PREX1: variants seen among roughly 807,000 people sequenced by gnomAD.
The protein encoded by PREX1 is phosphatidylinositol 3,4,5-trisphosphate-dependent Rac exchanger 1 protein.
A neutral mutation model predicts 198.3 loss-of-function variants in PREX1; 41 were observed. The ratio of observed to expected loss-of-function variants is 0.21; its 90% CI spans 0.16 to 0.27. The LOEUF (loss-of-function observed/expected upper bound fraction) is 0.27. Among genes scored for constraint, PREX1 ranks in the 10% least tolerant of loss-of-function variants. The pLI is 1.00. For synonymous variants in PREX1, 843 were observed against 887.2 expected (o/e 0.95, Z 0.89); for missense variants, 1,620 against 2,200.7 (o/e 0.74, Z 5.28).
chr20:48,640,307 G>T (rs768096896), intron 29 of PREX1, among the ~76,000 whole-genome samples: 3 of 152,212 alleles, frequency 2.0e-5, no homozygotes, highest in Non-Finnish European at 4.4e-5. Context: ...CACAGAGGAG[G>T]AAGCCCACAC....
At chr20:48,723,551 C>T (rs1601097501) in intron 5 of PREX1, among the ~76,000 whole-genome samples, 1 of 152,294 alleles carries the variant, frequency 6.6e-6, no homozygotes, top group East Asian at 1.9e-4. Flanking sequence ...ACCCCCCACC[C>T]CACAATCTCC....
At chr20:48,774,843 G>A (rs1301915554) in intron 1 of PREX1, among the ~76,000 whole-genome samples, 1 of 152,258 alleles carries the variant, frequency 6.6e-6, no homozygotes. Context: ...TTTTCCATCA[G>A]GTCAAAACAG....
chr20:48,882,501 C>CAAAA, the PREX1 span, among the ~76,000 whole-genome samples: 21 of 66,832 alleles, frequency 3.1e-4, 1 homozygote, highest in African/African-American at 1.0e-3. Flanking sequence ...GACTCCGTCT[C>CAAAA]AAAAAAAAAA....
intron 21 of PREX1, among the ~76,000 whole-genome samples, chr20:48,652,036 T>A (rs56041053): frequency 6.6e-6 from 1 of 152,088 alleles, no homozygotes; most frequent in Non-Finnish European, 1.5e-5. Context: ...CCAGTGGGAC[T>A]CGGACTTCTG....
intron 5 of PREX1, among the ~76,000 whole-genome samples, chr20:48,722,446 G>A (rs1356826535): frequency 6.6e-6 from 1 of 152,224 alleles, no homozygotes; most frequent in South Asian, 2.1e-4. Context: ...GTCGGCAGGG[G>A]CTGGAGGAGG....
At chr20:48,774,465 G>C (rs1319375006) in intron 1 of PREX1, among the ~76,000 whole-genome samples, 2 of 152,260 alleles carry the variant, frequency 1.3e-5, no homozygotes, top group Non-Finnish European at 2.9e-5. Context: ...CTGGGGTTCA[G>C]AGCTCTGGGG....
chr20:48,754,042 G>T (rs567026362), intron 1 of PREX1, among the ~76,000 whole-genome samples: 1 of 152,358 alleles, frequency 6.6e-6, no homozygotes, highest in Non-Finnish European at 1.5e-5. Context: ...CTGGCACACA[G>T]CAGGTGCTCA....
chr20:48,647,519 C>CAAA (rs765244255), intron 25 of PREX1, among the ~76,000 whole-genome samples: 147 of 49,134 alleles, frequency 3.0e-3, no homozygotes, highest in African/African-American at 4.0e-3. Flanking sequence ...GACAACATCT[C>CAAA]AAAAAAAAAA....
At chr20:48,705,244 T>C (rs1194785086) in intron 6 of PREX1, among the ~76,000 whole-genome samples, 1 of 152,250 alleles carries the variant, frequency 6.6e-6, no homozygotes, top group East Asian at 1.9e-4. Flanking sequence ...TTGCAAGGTA[T>C]TGTGACACAC....
intron 6 of PREX1, among the ~76,000 whole-genome samples, chr20:48,704,461 C>T (rs1319340906): frequency 6.6e-6 from 1 of 152,190 alleles, no homozygotes; most frequent in Non-Finnish European, 1.5e-5. Context: ...AGCAGTTGAT[C>T]ATCTCTTAAA....
chr20:48,647,851 C>CACTCAGGG (rs1250533672), intron 25 of PREX1, among the ~76,000 whole-genome samples: 2 of 152,276 alleles, frequency 1.3e-5, no homozygotes, highest in East Asian at 3.9e-4. Flanking sequence ...CAACAACAGC[C>CACTCAGGG]ACTCAGGGTC....
intron 6 of PREX1, among the ~76,000 whole-genome samples, chr20:48,704,671 G>A (rs998274969): frequency 1.3e-5 from 2 of 151,894 alleles, no homozygotes; most frequent in South Asian, 2.1e-4. Flanking sequence ...TTCTCCTGCC[G>A]CAGTCTCCCG....
intron 14 of PREX1, among the ~76,000 whole-genome samples, chr20:48,670,555 A>T (rs1424318286): frequency 6.6e-6 from 1 of 152,018 alleles, no homozygotes; most frequent in Non-Finnish European, 1.5e-5. Flanking sequence ...CCCAGAAATC[A>T]CCCAGTGGAG....
chr20:48,656,934 T>C, intron 18 of PREX1, 106 bp downstream of exon 18: 1 of 1,354,034 alleles, frequency 7.4e-7, no homozygotes, highest in African/African-American at 1.5e-5. Flanking sequence ...ACTCCAACAA[T>C]GGGTCCCAGC....
chr20:48,652,978 ACT>A (rs2089511892), intron 20 of PREX1, among the ~76,000 whole-genome samples: 1 of 152,152 alleles, frequency 6.6e-6, no homozygotes, highest in Non-Finnish European at 1.5e-5. Context: ...ACACACACAC[ACT>A]GAGTGAACCA....
intron 1 of PREX1, among the ~76,000 whole-genome samples, chr20:48,813,643 T>A (rs1198182698): frequency 2.6e-5 from 4 of 151,978 alleles, no homozygotes; most frequent in Non-Finnish European, 4.4e-5. Flanking sequence ...TAATAACGTG[T>A]GTGTGCATGA....
intron 6 of PREX1, among the ~76,000 whole-genome samples, chr20:48,701,237 G>A (rs928587246): frequency 6.6e-6 from 1 of 152,078 alleles, no homozygotes; most frequent in South Asian, 2.1e-4. Context: ...TTTTTAAACG[G>A]AATTTCACTC....
chr20:48,645,984 G>T lies in PREX1; in HGVS notation c.3379C>A (p.Leu1127Met), dbSNP rs748232548. Residue 1127 changes from leucine (L) to methionine (M), a missense_variant, in exon 26 of 40, where the codon CTG (leucine) becomes ATG (methionine). By Grantham distance (15) the Leu-to-Met change is conservative. Transcript: ENST00000371941. ...DASLAEEASS[L>M]PLVSEESEMD... ...TCGCTCTCTTCACTGACCAGGGGCA[G>T]GGAGGAGGCCTCCTCAGCCAAGGAT... 4 of 1,614,238 alleles carry T rather than the reference G, an allele frequency of 2.5e-6. No homozygotes were observed. The South Asian group carries it at 4.4e-5, about 18-fold the overall frequency.
intron 1 of PREX1, among the ~76,000 whole-genome samples, chr20:48,799,428 T>C (rs939039649): frequency 2.6e-5 from 4 of 152,118 alleles, no homozygotes; most frequent in Admixed American, 2.0e-4. Context: ...CCAAGCACAC[T>C]GTCAGTGGCA....
Sources: allele counts gnomAD v4.1 joint callset (sites outside exome capture counted in the v4.1 genomes callset), GRCh38; gene constraint gnomAD v4.1.1; transcripts MANE v1.5; gene names NCBI Gene and HGNC (gene_info 2026-07-23, HGNC 2026-07-21).